The following ABAT variants were observed in gnomAD, a reference collection of about 807,000 sequenced individuals.
The protein encoded by ABAT is 4-aminobutyrate aminotransferase.
A neutral mutation model predicts 64.6 loss-of-function variants in ABAT; 45 were observed. The ratio of observed to expected loss-of-function variants is 0.70; its 90% confidence interval spans 0.55 to 0.89. The LOEUF (loss-of-function observed/expected upper bound fraction) is 0.89, where lower values mean the gene tolerates loss of function less well. ABAT is among the 40% of genes least tolerant of loss of function. The pLI, the probability that ABAT is intolerant of heterozygous loss-of-function variation, is 0.00. For missense variants in ABAT, 633 were observed against 658.4 expected (o/e 0.96, Z 0.42); for synonymous variants, 297 against 250.5 (o/e 1.19, Z -1.75).
At chr16:8,777,147 T>C (rs1274231475) in intron 14 of ABAT, among the ~76,000 whole-genome samples, 2 of 151,600 alleles carry the variant, frequency 1.3e-5, no homozygotes, top group Non-Finnish European at 2.9e-5. Flanking sequence ...GTGATCCGCT[T>C]GCCTCAGCCT....
chr16:8,678,139 A>G (rs1272455420), intron 1 of ABAT, among the ~76,000 whole-genome samples: 2 of 152,310 alleles, frequency 1.3e-5, no homozygotes, highest in East Asian at 3.9e-4. Flanking sequence ...TAATGAGGAG[A>G]AGGAGATGTG....
At chr16:8,692,029 C>A (rs190731940) in intron 1 of ABAT, among the ~76,000 whole-genome samples, 4 of 152,154 alleles carry the variant, frequency 2.6e-5, no homozygotes, top group Non-Finnish European at 5.9e-5. Flanking sequence ...TGGTTCTTAT[C>A]GGGCTTCTGA....
intron 15 of ABAT, chr16:8,780,502 C>G (rs1567320231): frequency 6.5e-6 from 1 of 154,210 alleles, no homozygotes; most frequent in East Asian, 1.9e-4. Context: ...TAGCTCACGC[C>G]TGTAATCCCA....
chr16:8,721,925 A>T (rs147839004), intron 1 of ABAT, among the ~76,000 whole-genome samples: 2,534 of 152,250 alleles, frequency 0.017, 58 homozygotes, highest in African/African-American at 0.058. Context: ...CAGGGTTTTG[A>T]CTTGTTTTGA....
intron 1 of ABAT, among the ~76,000 whole-genome samples, chr16:8,700,021 A>G (rs2057784731): frequency 6.6e-6 from 1 of 151,838 alleles, no homozygotes; most frequent in Non-Finnish European, 1.5e-5. Context: ...GAGTTATACG[A>G]TGTTGCCCAG....
chr16:8,683,768 G>A (rs2057388368), intron 1 of ABAT, among the ~76,000 whole-genome samples: 1 of 152,142 alleles, frequency 6.6e-6, no homozygotes, highest in African/African-American at 2.4e-5. Context: ...CTAGACTCCA[G>A]GCATGGTTGT....
At position 8,758,155 on chromosome 16, in the gene ABAT, C is replaced by T. The variant is rs760849236; in HGVS notation, c.366+349C>T. 2.0e-5 allele frequency among the ~76,000 whole-genome samples: 3 copies of T among 152,142 alleles called. No individual in the cohort carries two copies. The South Asian group carries it at 6.2e-4, about 32-fold the overall frequency. On this transcript the variant is annotated intron_variant, in intron 6 of 15. Coordinates refer to ENST00000268251, the MANE Select transcript of ABAT (RefSeq NM_020686.6). The stretch of plus-strand genomic sequence containing the variant: ...AAACACTGTGTTCAGCACTTTATAG[C>T]GACAATATTGACAAGTCTGTGAAGC...
intron 11 of ABAT, among the ~76,000 whole-genome samples, chr16:8,770,551 C>CTAACATA (rs2060077219): frequency 6.6e-6 from 1 of 152,130 alleles, no homozygotes; most frequent in Non-Finnish European, 1.5e-5. Context: ...GTGATCCTCC[C>CTAACATA]ACCTCAGCTT....
chr16:8,756,192 C>T (rs1021796568), intron 5 of ABAT, among the ~76,000 whole-genome samples: 2 of 152,104 alleles, frequency 1.3e-5, no homozygotes, highest in Non-Finnish European at 2.9e-5. Context: ...TGCACTCCAG[C>T]CTGGGCAACA....
At chr16:8,729,427 T>A (rs1444821329) in intron 1 of ABAT, among the ~76,000 whole-genome samples, 2 of 152,206 alleles carry the variant, frequency 1.3e-5, no homozygotes, top group Non-Finnish European at 2.9e-5. Flanking sequence ...CCGAATGTCA[T>A]AACCTCTCTG....
chr16:8,704,516 G>T (rs1227056314), intron 1 of ABAT, among the ~76,000 whole-genome samples: 1 of 152,174 alleles, frequency 6.6e-6, no homozygotes, highest in African/African-American at 2.4e-5. Context: ...ACTACAAAAA[G>T]GTGGCAACAA....
chr16:8,738,616 G>GTTTTTTTTTTTTTTTTT lies in ABAT; in HGVS notation c.70+2812_70+2813insTTTTTTTTTTTTTTTTT, dbSNP rs772511380. Among the ~76,000 whole-genome samples the GTTTTTTTTTTTTTTTTT allele has an allele frequency of 1.5e-4, 18 of 117,620 alleles. 2 individuals are homozygous for GTTTTTTTTTTTTTTTTT. Among genetic ancestry groups the GTTTTTTTTTTTTTTTTT allele is most frequent in the East Asian group, 2.7e-4 (1 of 3,734 alleles). The allele number at this position is 117,620 out of a possible 152,430, so 77.2% of individuals were successfully genotyped here. ...TTTTTTCTTTTTTGTTTTTGTTTTT[G>GTTTTTTTTTTTTTTTTT]TTTTTGTTTTTGTTTTTTTTTTGGT... On this transcript the variant is annotated intron_variant, in intron 2 of 15. Transcript: ENST00000268251.
chr16:8,757,540 A>G (rs1476175416), intron 5 of ABAT, among the ~76,000 whole-genome samples: 1 of 152,184 alleles, frequency 6.6e-6, no homozygotes, highest in African/African-American at 2.4e-5. Context: ...CTCCTAGAGA[A>G]TTTGTTGGAT....
chr16:8,699,011 G>A (rs2057762798), intron 1 of ABAT, among the ~76,000 whole-genome samples: 1 of 152,186 alleles, frequency 6.6e-6, no homozygotes, highest in Admixed American at 6.6e-5. Flanking sequence ...ATAAGTATCT[G>A]TTTCAGTCCT....
At chr16:8,774,319 G>A (rs976385270) in intron 12 of ABAT, among the ~76,000 whole-genome samples, 3 of 152,124 alleles carry the variant, frequency 2.0e-5, no homozygotes, top group African/African-American at 7.2e-5. Flanking sequence ...GAACAGTGCT[G>A]CAATAAACAT....
intron 9 of ABAT, 100 bp downstream of exon 9, chr16:8,766,370 C>G: frequency 8.4e-7 from 1 of 1,192,952 alleles, no homozygotes; most frequent in South Asian, 1.3e-5. Flanking sequence ...TTAGGAAGGG[C>G]CAGGCCAGGC....
chr16:8,755,965 C>T (rs1004654705), intron 5 of ABAT, among the ~76,000 whole-genome samples: 3 of 152,064 alleles, frequency 2.0e-5, no homozygotes, highest in Admixed American at 6.6e-5. Flanking sequence ...AGGAGAATGG[C>T]GTGAACCCAG....
chr16:8,724,405 C>T (rs1204927622), intron 1 of ABAT, among the ~76,000 whole-genome samples: 3 of 152,202 alleles, frequency 2.0e-5, no homozygotes, highest in Admixed American at 6.5e-5. Context: ...CGTGTTGTAA[C>T]ATTTATTTGC....
Position 8,714,293 on chromosome 16 carries a change from C to T in ABAT, c.-41-21406C>T, listed in dbSNP as rs549909439. Among the ~76,000 whole-genome samples the T allele has an allele frequency of 4.6e-5, 7 of 152,304 alleles. No homozygotes were observed. The South Asian group carries it at 1.5e-3, about 32-fold the overall frequency. ...AGCCGCTAAATAAATCCTTTCCCTT[C>T]GTTCTAAGGACAAGAACAGCACAAA... On this transcript the variant is annotated intron_variant, in intron 1 of 15. Transcript: ENST00000268251.
Sources: allele counts gnomAD v4.1 joint callset (sites outside exome capture counted in the v4.1 genomes callset), GRCh38; gene constraint gnomAD v4.1.1; transcripts MANE v1.5; gene names NCBI Gene and HGNC (gene_info 2026-07-23, HGNC 2026-07-21).